The following RPAP2 variants were observed in gnomAD, a reference collection of about 807,000 sequenced individuals.
RPAP2 encodes the protein putative RNA polymerase II subunit B1 CTD phosphatase RPAP2.
A neutral mutation model predicts 73.1 loss-of-function variants in RPAP2; 52 were observed. The observed-to-expected ratio is 0.71, with a 90% CI of 0.57 to 0.90. RPAP2 has a LOEUF of 0.90. Ranked by LOEUF, RPAP2 falls within the 40% of genes least tolerant of loss-of-function variation. The pLI, the probability that RPAP2 is intolerant of heterozygous loss-of-function variation, is 0.00. For synonymous variants in RPAP2, 225 were observed against 242.1 expected (o/e 0.93, Z 0.65); for missense variants, 598 against 701.8 (o/e 0.85, Z 1.67).
Position 92,323,560 on chromosome 1 carries a change from G to C in RPAP2, c.640G>C (p.Asp214His). The C allele has an allele frequency of 4.3e-6, 7 of 1,613,786 alleles. No individual in the cohort carries two copies. Among genetic ancestry groups the C allele is most frequent in the Non-Finnish European group, 5.9e-6 (7 of 1,179,704 alleles). Residue 214 changes from aspartate to histidine, a missense_variant, in exon 8 of 13, where the codon GAT (aspartate) becomes CAT (histidine). Physicochemically the swap from Asp to His is moderately conservative, Grantham distance 81. Coordinates refer to ENST00000610020, the MANE Select transcript of RPAP2 (RefSeq NM_024813.3). ...ATCTAGTTCTTCTAGCACTCACAGT[G>C]ATAGTAGCAGTGACAATGAGCAAGA... ...YESSSSSTHS[D>H]SSSDNEQDFV...
At position 92,323,441 on chromosome 1, in the gene RPAP2, A is replaced by G. The variant is rs186580530; in HGVS notation, c.525-4A>G. 159 of 1,564,376 alleles carry G rather than the reference A, an allele frequency of 1.0e-4. 1 individual carries two copies. In the East Asian group the frequency reaches 3.6e-3, roughly 35 times the overall value. ...AGTTATTTTATTTCTCTTTCATTCT[A>G]CAGTGGCCATTCTGGAGAAGAAGTA... On this transcript the variant is annotated splice_region_variant and splice_polypyrimidine_tract_variant and intron_variant, in intron 7 of 12. Coordinates refer to ENST00000610020, the MANE Select transcript of RPAP2 (RefSeq NM_024813.3).
intron 11 of RPAP2, among the ~76,000 whole-genome samples, chr1:92,377,536 A>G (rs1019826924): frequency 2.2e-4 from 34 of 151,608 alleles, no homozygotes; most frequent in Non-Finnish European, 3.2e-4. Flanking sequence ...AAAAAAAAAA[A>G]AAAAGAATTG....
Position 92,361,532 on chromosome 1 carries a change from GAAGAA to G in RPAP2, c.1688+15623_1688+15627del, listed in dbSNP as rs1464403942. On this transcript the variant is annotated intron_variant, in intron 11 of 12. Transcript: ENST00000610020. ...AAAATAGTTGCTTACTATTGTGACT[GAAGAA>G]AAGACTTTCATTATAGAGATGTAAT... Among the ~76,000 whole-genome samples, 3 of 152,260 alleles carry G rather than the reference GAAGAA, an allele frequency of 2.0e-5. No individual in the cohort carries two copies. In the East Asian group the frequency reaches 5.8e-4, roughly 29 times the overall value.
In RPAP2 at chr1:92,392,414, C is replaced by T. The variant is rs181655685; in HGVS notation, c.*5403C>T. The T allele has an allele frequency of 9.2e-5, 14 of 152,178 alleles. No individual in the cohort carries two copies. The East Asian group carries it at 1.9e-3, about 21-fold the overall frequency. The allele number at this position is 152,178 out of a possible 1,614,324, so 9.4% of individuals were successfully genotyped here. A position where few individuals can be genotyped will look rare whatever the true frequency, so the allele number is the denominator to read the frequency against. On this transcript the variant is annotated 3_prime_UTR_variant, in exon 13 of 13. Coordinates refer to ENST00000610020, the MANE Select transcript of RPAP2 (RefSeq NM_024813.3). The stretch of plus-strand genomic sequence containing the variant: ...TAATAAGAGGTTATTTATGACAAAC[C>T]CACAGCCAATAGCATACTGAATGGG...
chr1:92,307,173 T>C lies in RPAP2; in HGVS notation c.400-15T>C. 1 of 1,574,756 alleles carries C rather than the reference T, an allele frequency of 6.4e-7. No individual in the cohort carries two copies. Among genetic ancestry groups the C allele is most frequent in the Non-Finnish European group, 8.7e-7 (1 of 1,148,350 alleles). ...CATGATAAGAAAAAAACTAGATTTA[T>C]AATGTTCTTTTCAGTCTTTTTGCAG... On this transcript the variant is annotated splice_polypyrimidine_tract_variant and intron_variant, in intron 5 of 12. Transcript: ENST00000610020.
rs144350326 is a variant in RPAP2, at chr1:92,306,407, TAA to T, written c.400-774_400-773del. On this transcript the variant is annotated intron_variant, in intron 5 of 12. Coordinates refer to ENST00000610020, the MANE Select transcript of RPAP2 (RefSeq NM_024813.3). ...CACAATTGTGAACATTTTTTAATTG[TAA>T]AAAAAAGTTTATAGTAACATTGTAG... Among the ~76,000 whole-genome samples the T allele has an allele frequency of 9.2e-5, 14 of 152,018 alleles. 1 individual carries two copies. Among genetic ancestry groups the T allele is most frequent in the African/African-American group, 3.1e-4 (13 of 41,386 alleles).
intron 11 of RPAP2, among the ~76,000 whole-genome samples, chr1:92,378,663 A>C (rs1403768416): frequency 6.6e-6 from 1 of 152,080 alleles, no homozygotes; most frequent in Non-Finnish European, 1.5e-5. Context: ...TTAATATTTT[A>C]AATGTTGACA....
chr1:92,364,343 A>C (rs1654846167), intron 11 of RPAP2, among the ~76,000 whole-genome samples: 1 of 152,172 alleles, frequency 6.6e-6, no homozygotes, highest in Non-Finnish European at 1.5e-5. Context: ...GAAGAGTACT[A>C]ATGAGATAAT....
chr1:92,368,990 T>TGTAA (rs1289771837), intron 11 of RPAP2, among the ~76,000 whole-genome samples: 1 of 152,254 alleles, frequency 6.6e-6, no homozygotes, highest in Non-Finnish European at 1.5e-5. Flanking sequence ...ATTTATACAT[T>TGTAA]GTAAGTTTTT....
intron 11 of RPAP2, among the ~76,000 whole-genome samples, chr1:92,347,661 A>G (rs1264698603): frequency 6.6e-6 from 1 of 152,232 alleles, no homozygotes; most frequent in Non-Finnish European, 1.5e-5. Flanking sequence ...AAAATTTCAT[A>G]TGATTATTCT....
At chr1:92,380,698 G>A in intron 11 of RPAP2, 26 bp from the exon 12 acceptor site, 1 of 1,521,498 alleles carries the variant, frequency 6.6e-7, no homozygotes, top group Non-Finnish European at 8.8e-7. Flanking sequence ...TCATGGATAT[G>A]CATTTAGTAT....
rs186199557 is a variant in RPAP2, at chr1:92,306,904, T to A, written c.400-284T>A. 3.6e-4 allele frequency among the ~76,000 whole-genome samples: 55 copies of A among 152,304 alleles called. 1 individual carries two copies. The highest frequency in any genetic ancestry group is 1.2e-3 in the African/African-American group (51 of 41,570). ...AAAATAGGCAAAACTGAATATTTTT[T>A]AATAGGGATATGTACACAGGTGCTA... On this transcript the variant is annotated intron_variant, in intron 5 of 12. Coordinates refer to ENST00000610020, the MANE Select transcript of RPAP2 (RefSeq NM_024813.3).
Position 92,393,689 on chromosome 1 carries a change from A to C in RPAP2, c.*6678A>C, listed in dbSNP as rs1390084751. On this transcript the variant is annotated 3_prime_UTR_variant, in exon 13 of 13. Coordinates refer to ENST00000610020, the MANE Select transcript of RPAP2 (RefSeq NM_024813.3). Reference sequence around the variant, plus strand: ...AAGGATATGAACAGATACTTCTCAAAAGAAGACATTTATGCAGCCAACAGA... The same window carrying C: ...AAGGATATGAACAGATACTTCTCAACAGAAGACATTTATGCAGCCAACAGA... 1.3e-5 allele frequency: 2 copies of C among 152,256 alleles called. No individual in the cohort carries two copies. Among genetic ancestry groups the C allele is most frequent in the African/African-American group, 4.8e-5 (2 of 41,470 alleles). 9.4% of individuals were successfully genotyped at this position (152,256 alleles called of 1,614,324 possible).
intron 8 of RPAP2, among the ~76,000 whole-genome samples, chr1:92,329,217 C>T (rs889033195): frequency 6.6e-6 from 1 of 152,110 alleles, no homozygotes; most frequent in Non-Finnish European, 1.5e-5. Flanking sequence ...CATAGAGCTC[C>T]CAAGAGATTA....
At position 92,371,314 on chromosome 1, in the gene RPAP2, AAAAAAATATATAT is replaced by A. The variant is rs1275016773; in HGVS notation, c.1689-9408_1689-9396del. Among the ~76,000 whole-genome samples, 367 of 41,182 alleles carry A rather than the reference AAAAAAATATATAT, an allele frequency of 8.9e-3. 4 individuals carry two copies. The highest frequency in any genetic ancestry group is 0.031 in the African/African-American group (352 of 11,432). 27.0% of individuals were successfully genotyped at this position (41,182 alleles called of 152,430 possible). ...AGTGAGTCTCTGTCTCAAAAAAAAA[AAAAAAATATATAT>A]ATATATATATACCTACAGTATAATC... On this transcript the variant is annotated intron_variant, in intron 11 of 12. Coordinates refer to ENST00000610020, the MANE Select transcript of RPAP2 (RefSeq NM_024813.3).
intron 11 of RPAP2, among the ~76,000 whole-genome samples, chr1:92,380,038 TCGCC>T (rs1479018200): frequency 1.2e-5 from 1 of 84,754 alleles, no homozygotes; most frequent in Non-Finnish European, 3.5e-5. Context: ...GGCTGGTGGA[TCGCC>T]TGAGGCTGGT....
At chr1:92,330,664 T>C (rs1172580380) in intron 8 of RPAP2, among the ~76,000 whole-genome samples, 1 of 151,856 alleles carries the variant, frequency 6.6e-6, no homozygotes, top group African/African-American at 2.4e-5. Flanking sequence ...CCAGGCCAGG[T>C]TGGTCTCGAA....
At chr1:92,299,288 A>G in intron 1 of RPAP2, 142 bp downstream of exon 1, 1 of 452,552 alleles carries the variant, frequency 2.2e-6, no homozygotes, top group Non-Finnish European at 4.0e-6. Flanking sequence ...AAAGCTTCCC[A>G]CCGCCGTCCG....
At chr1:92,382,608 G>A (rs1383081764) in intron 12 of RPAP2, among the ~76,000 whole-genome samples, 2 of 152,126 alleles carry the variant, frequency 1.3e-5, no homozygotes, top group African/African-American at 4.8e-5. Flanking sequence ...CCCACTTTTT[G>A]ATGGGGTTGT....
Sources: allele counts gnomAD v4.1 joint callset (sites outside exome capture counted in the v4.1 genomes callset), GRCh38; gene constraint gnomAD v4.1.1; transcripts MANE v1.5; gene names NCBI Gene and HGNC (gene_info 2026-07-23, HGNC 2026-07-21).